The following F13A1 variants were observed in gnomAD, a reference collection of about 807,000 sequenced individuals.
The protein encoded by F13A1 is FSF, A subunit.
A neutral mutation model predicts 80.1 loss-of-function variants in F13A1; 47 were observed. The ratio of observed to expected loss-of-function variants is 0.59; its 90% CI spans 0.46 to 0.75. The LOEUF is 0.75. Ranked by LOEUF, F13A1 falls within the 30% of genes least tolerant of loss-of-function variation. F13A1 has a pLI of 0.00. For missense variants in F13A1, 817 were observed against 930.4 expected (o/e 0.88, Z 1.59); for synonymous variants, 349 against 344.9 (o/e 1.01, Z -0.13).
At chr6:6,315,464 G>T (rs1383131797) in intron 2 of F13A1, among the ~76,000 whole-genome samples, 1 of 151,996 alleles carries the variant, frequency 6.6e-6, no homozygotes, top group Non-Finnish European at 1.5e-5. Context: ...TGAATATCAT[G>T]GTGTGTATGA....
intron 2 of F13A1, among the ~76,000 whole-genome samples, chr6:6,308,269 C>T (rs954615171): frequency 1.3e-5 from 2 of 152,238 alleles, no homozygotes; most frequent in East Asian, 1.9e-4. Flanking sequence ...GGTGATCCGC[C>T]GGCTTGGCTT....
In F13A1 at chr6:6,144,436, T is replaced by A. The variant is rs900748248; in HGVS notation, c.*1183A>T. ...TGACCTAAATCACACCCTAGACATATCAGAGGGAAATTCTGACCATAAATC... is the reference window on the plus strand; with the variant it reads ...TGACCTAAATCACACCCTAGACATAACAGAGGGAAATTCTGACCATAAATC... On this transcript the variant is annotated 3_prime_UTR_variant, in exon 15 of 15. Transcript: ENST00000264870. 1 of 152,224 alleles carries A rather than the reference T, an allele frequency of 6.6e-6. No individual in the cohort carries two copies. Among genetic ancestry groups the A allele is most frequent in the Non-Finnish European group, 1.5e-5 (1 of 68,052 alleles). The allele number at this position is 152,224 out of a possible 1,614,324, so 9.4% of individuals were successfully genotyped here. A position where few individuals can be genotyped will look rare whatever the true frequency, so the allele number is the denominator to read the frequency against.
At chr6:6,206,613 C>T (rs182738056) in intron 8 of F13A1, 185 of 506,470 alleles carry the variant, frequency 3.7e-4, no homozygotes, top group South Asian at 1.7e-3. Flanking sequence ...CTGAGAGGAA[C>T]GGGAGGAGAG....
chr6:6,259,776 G>T (rs113574357), intron 4 of F13A1, among the ~76,000 whole-genome samples: 1 of 152,110 alleles, frequency 6.6e-6, no homozygotes, highest in African/African-American at 2.4e-5. Context: ...ATGAGGTGAG[G>T]GAAAAGCAGT....
chr6:6,308,752 A>G (rs1410261994), intron 2 of F13A1, among the ~76,000 whole-genome samples: 1 of 151,826 alleles, frequency 6.6e-6, no homozygotes, highest in Admixed American at 6.6e-5. Flanking sequence ...TGCTAAGACT[A>G]CAGGCTCACA....
At chr6:6,261,218 T>G (rs1280648420) in intron 4 of F13A1, among the ~76,000 whole-genome samples, 2 of 152,196 alleles carry the variant, frequency 1.3e-5, no homozygotes, top group Non-Finnish European at 1.5e-5. Context: ...CTGCCTGCCT[T>G]GGTCTCCCGA....
Position 6,195,813 on chromosome 6 carries a change from G to T in F13A1, c.1289C>A (p.Pro430His). 3.1e-6 allele frequency: 5 copies of T among 1,614,158 alleles called. No individual in the cohort carries two copies. Among genetic ancestry groups the T allele is most frequent in the East Asian group, 4.5e-5 (2 of 44,886 alleles). Residue 430 changes from proline to histidine, a missense_variant, in exon 10 of 15, where the codon CCT becomes CAT. Pro to His is a moderately conservative substitution (Grantham distance 77, BLOSUM62 -2). Transcript: ENST00000264870. ...CCTGCTTACCTCTGCAAAAACAAAA[G>T]GTGCATCAAATTGGAAGCAGACATG... ...HGHVCFQFDA[P>H]FVFAEVNSDL...
intron 13 of F13A1, among the ~76,000 whole-genome samples, chr6:6,152,704 G>A (rs1424805406): frequency 1.3e-5 from 2 of 152,140 alleles, no homozygotes; most frequent in Non-Finnish European, 2.9e-5. Flanking sequence ...TTTATGGGGC[G>A]ATCTATGTAG....
chr6:6,156,841 G>A (rs1433409776), intron 13 of F13A1, among the ~76,000 whole-genome samples: 1 of 152,178 alleles, frequency 6.6e-6, no homozygotes, highest in Non-Finnish European at 1.5e-5. Context: ...CATCTTTCAA[G>A]GACTCAAAAG....
At chr6:6,157,457 T>C (rs1456494482) in intron 13 of F13A1, among the ~76,000 whole-genome samples, 1 of 152,098 alleles carries the variant, frequency 6.6e-6, no homozygotes, top group Non-Finnish European at 1.5e-5. Context: ...TGGAATAGCT[T>C]CTTTATTTTC....
intron 11 of F13A1, among the ~76,000 whole-genome samples, chr6:6,181,572 A>G (rs762495252): frequency 2.6e-5 from 4 of 152,214 alleles, no homozygotes; most frequent in Non-Finnish European, 5.9e-5. Context: ...GTAATAGAAC[A>G]ATGTATGTGG....
At chr6:6,176,997 G>A (rs948920399) in intron 11 of F13A1, among the ~76,000 whole-genome samples, 4 of 152,154 alleles carry the variant, frequency 2.6e-5, no homozygotes, top group Non-Finnish European at 4.4e-5. Flanking sequence ...TCCAGGAAGC[G>A]CAGGCCCAGA....
chr6:6,152,817 A>G (rs978736317), intron 13 of F13A1, among the ~76,000 whole-genome samples: 3 of 152,252 alleles, frequency 2.0e-5, no homozygotes, highest in African/African-American at 7.2e-5. Flanking sequence ...GCAAAATGCC[A>G]GGTGGCTATA....
In F13A1 at chr6:6,195,842, G is replaced by A. The variant is rs763420902; in HGVS notation, c.1260C>T (p.His420=). ...CATCAAATTGGAAGCAGACATGGCC[G>A]TGCTTGATGGCTTGAACCGAGGCGG... ...CGPASVQAIK[H]GHVCFQFDAP... is the part of the protein sequence containing the mutation. Residue 420 remains histidine (H), a synonymous_variant, in exon 10 of 15, where the codon CAC becomes CAT. Coordinates refer to ENST00000264870, the MANE Select transcript of F13A1 (RefSeq NM_000129.4). The A allele has an allele frequency of 3.6e-5, 58 of 1,614,056 alleles. 1 individual carries two copies. The highest frequency in any genetic ancestry group is 8.0e-5 in the African/African-American group (6 of 74,932).
rs146625677 is a variant in F13A1, at chr6:6,229,198, A to T, written c.799-4338T>A. Among the ~76,000 whole-genome samples the T allele has an allele frequency of 6.4e-3, 980 of 152,298 alleles. 12 individuals carry two copies. Among genetic ancestry groups the T allele is most frequent in the African/African-American group, 0.022 (934 of 41,566 alleles). ...TTTGAGCATAAATATAGGGAAAAGA[A>T]ACTGCATGCAGAGGAAGAGACAGAA... On this transcript the variant is annotated intron_variant, in intron 6 of 14. Transcript: ENST00000264870.
rs548443123 is a variant in F13A1 at position 6,250,131 on chromosome 6, C to G, written c.690+680G>C. ...GCCAAAACTCCTGAGAAATGACATT[C>G]GCCCCCGCTTGTGTCGCTAATTAAA... On this transcript the variant is annotated intron_variant, in intron 5 of 14. Coordinates refer to ENST00000264870, the MANE Select transcript of F13A1 (RefSeq NM_000129.4). The surrounding 1 kb of genome is among the most constrained non-coding windows in gnomAD (Gnocchi z 4.2). Among the ~76,000 whole-genome samples the G allele has an allele frequency of 2.6e-5, 4 of 152,168 alleles. No homozygotes were observed. The highest frequency in any genetic ancestry group is 1.3e-4 in the Admixed American group (2 of 15,282).
chr6:6,259,746 G>C (rs1006919707), intron 4 of F13A1, among the ~76,000 whole-genome samples: 1 of 152,164 alleles, frequency 6.6e-6, no homozygotes, highest in African/African-American at 2.4e-5. Flanking sequence ...GTGTGCCAGA[G>C]GCTAAGGATA....
chr6:6,319,411 A>C (rs528165662), intron 1 of F13A1, among the ~76,000 whole-genome samples: 2 of 152,182 alleles, frequency 1.3e-5, no homozygotes. Context: ...CAATAGGGCT[A>C]TCAATAGGCT....
At chr6:6,257,752 T>C (rs1297556321) in intron 4 of F13A1, among the ~76,000 whole-genome samples, 1 of 152,210 alleles carries the variant, frequency 6.6e-6, no homozygotes, top group Non-Finnish European at 1.5e-5. Flanking sequence ...ACAAACATGC[T>C]GCATTACAGC....
Sources: allele counts gnomAD v4.1 joint callset (sites outside exome capture counted in the v4.1 genomes callset), GRCh38; gene constraint gnomAD v4.1.1; non-coding constraint Gnocchi (gnomAD v3.1); transcripts MANE v1.5; gene names NCBI Gene and HGNC (gene_info 2026-07-23, HGNC 2026-07-21).